Variants in CORIN observed in about 807,000 individuals in gnomAD.
CORIN encodes atrial natriuretic peptide-converting enzyme.
CORIN carries 117 observed loss-of-function variants against 125.3 expected under a neutral mutation model. That is an observed-to-expected ratio of 0.93 (90% CI 0.80 to 1.09). The LOEUF is 1.09. CORIN is among the 50% of genes least tolerant of loss of function. CORIN has a pLI of 0.00. For missense variants in CORIN, 1,253 were observed against 1,306.7 expected (o/e 0.96, Z 0.63); for synonymous variants, 450 against 466.4 (o/e 0.96, Z 0.45).
chr4:47,668,521 C>T (rs991537844), intron 10 of CORIN, among the ~76,000 whole-genome samples: 10 of 152,196 alleles, frequency 6.6e-5, no homozygotes, highest in Non-Finnish European at 4.4e-5. Flanking sequence ...AGCTCTAACT[C>T]TATGCTTTTT....
At chr4:47,799,733 C>A (rs1731456323) in intron 2 of CORIN, among the ~76,000 whole-genome samples, 1 of 152,084 alleles carries the variant, frequency 6.6e-6, no homozygotes, top group Non-Finnish European at 1.5e-5. Context: ...ATAAGTGACA[C>A]AAAATTCCAC....
chr4:47,683,886 G>A, intron 6 of CORIN, 48 bp from the exon 7 acceptor site: 1 of 1,367,754 alleles, frequency 7.3e-7, no homozygotes. Context: ...CATACAGAAT[G>A]CTATTGTAGT....
intron 2 of CORIN, 51 bp from the exon 3 acceptor site, chr4:47,786,976 G>T (rs1213917914): frequency 1.6e-6 from 2 of 1,256,092 alleles, no homozygotes; most frequent in Middle Eastern, 2.4e-4. Flanking sequence ...AACATTACTA[G>T]AAGTGTTTAT....
chr4:47,777,544 T>C (rs1577914586), intron 3 of CORIN, among the ~76,000 whole-genome samples: 1 of 152,236 alleles, frequency 6.6e-6, no homozygotes, highest in Non-Finnish European at 1.5e-5. Context: ...GGCAGGAGAA[T>C]CACTTGAACT....
chr4:47,826,910 T>G (rs1195607038), intron 1 of CORIN, among the ~76,000 whole-genome samples: 3 of 152,190 alleles, frequency 2.0e-5, no homozygotes, highest in Admixed American at 6.5e-5. Flanking sequence ...GTAGTGAAAT[T>G]TAAAGACTTG....
intron 16 of CORIN, among the ~76,000 whole-genome samples, chr4:47,630,514 G>A (rs1233736493): frequency 6.6e-6 from 1 of 152,154 alleles, no homozygotes; most frequent in African/African-American, 2.4e-5. Flanking sequence ...GTCTGTGCAG[G>A]TAATACAGAC....
At chr4:47,729,187 A>G (rs902166222) in intron 5 of CORIN, among the ~76,000 whole-genome samples, 1 of 152,246 alleles carries the variant, frequency 6.6e-6, no homozygotes, top group African/African-American at 2.4e-5. Flanking sequence ...TCGTGGTCAC[A>G]GATCAAAAGA....
intron 6 of CORIN, among the ~76,000 whole-genome samples, chr4:47,687,734 T>C (rs535912040): frequency 2.0e-5 from 3 of 152,292 alleles, no homozygotes; most frequent in East Asian, 1.9e-4. Flanking sequence ...AGATTAAATA[T>C]GGAAAGGACC....
intron 19 of CORIN, among the ~76,000 whole-genome samples, chr4:47,608,048 C>T (rs549219621): frequency 6.6e-5 from 10 of 151,960 alleles, no homozygotes; most frequent in South Asian, 2.1e-4. Flanking sequence ...TGGCCAGGTG[C>T]GGTGGTTCAC....
rs558924555 is a variant in CORIN at position 47,601,989 on chromosome 4, T to C, written c.2812+1408A>G. Among the ~76,000 whole-genome samples the C allele has an allele frequency of 2.0e-5, 3 of 152,128 alleles. No individual in the cohort carries two copies. The East Asian group carries it at 5.8e-4, about 29-fold the overall frequency. ...GAAAGCCATGGCATTATACTTGATA[T>C]GGACAGAGTAGGCAGCACTTACAGT... On this transcript the variant is annotated intron_variant, in intron 20 of 21. Transcript: ENST00000273857.
intron 20 of CORIN, among the ~76,000 whole-genome samples, chr4:47,602,492 C>A (rs1220691141): frequency 5.9e-5 from 9 of 152,106 alleles, no homozygotes; most frequent in Non-Finnish European, 1.5e-5. Flanking sequence ...GTTTGTACTA[C>A]AGATGTTGAT....
chr4:47,755,060 A>G (rs1729073667), intron 4 of CORIN, among the ~76,000 whole-genome samples: 1 of 152,190 alleles, frequency 6.6e-6, no homozygotes, highest in Non-Finnish European at 1.5e-5. Flanking sequence ...CTCTCAACCC[A>G]GTGAAAAACC....
intron 5 of CORIN, among the ~76,000 whole-genome samples, chr4:47,697,793 T>A (rs1726088473): frequency 1.3e-5 from 2 of 152,132 alleles, no homozygotes; most frequent in South Asian, 4.2e-4. Context: ...GGGGAGCTGG[T>A]GCTGCTGGGC....
intron 21 of CORIN, 147 bp from the exon 22 acceptor site, chr4:47,596,050 G>T: frequency 1.9e-6 from 1 of 528,940 alleles, no homozygotes; most frequent in Non-Finnish European, 3.2e-6. Flanking sequence ...CTGTGGAGGA[G>T]TTGTGCTTTC....
At chr4:47,604,421 A>C (rs575476381) in intron 19 of CORIN, among the ~76,000 whole-genome samples, 1 of 152,098 alleles carries the variant, frequency 6.6e-6, no homozygotes, top group Non-Finnish European at 1.5e-5. Context: ...GGTGACCCCA[A>C]ATGTATATCT....
chr4:47,723,995 CAAAAAAAA>C (rs766930754), intron 5 of CORIN, among the ~76,000 whole-genome samples: 2 of 58,904 alleles, frequency 3.4e-5, no homozygotes, highest in African/African-American at 1.1e-4. Context: ...GACTCCATCT[CAAAAAAAA>C]AAAAAAAAAA....
At chr4:47,700,045 A>G (rs1726216342) in intron 5 of CORIN, among the ~76,000 whole-genome samples, 1 of 152,192 alleles carries the variant, frequency 6.6e-6, no homozygotes, top group Non-Finnish European at 1.5e-5. Context: ...TCAACCAAAG[A>G]GCTCTACTGT....
At chr4:47,686,047 A>C (rs7661217) in intron 6 of CORIN, among the ~76,000 whole-genome samples, 66 of 145,304 alleles carry the variant, frequency 4.5e-4, no homozygotes, top group Non-Finnish European at 7.8e-4. Context: ...TACTGTAAAC[A>C]TCCCATACTA....
chr4:47,643,724 T>G (rs1395014581), intron 14 of CORIN, among the ~76,000 whole-genome samples: 3 of 152,194 alleles, frequency 2.0e-5, no homozygotes, highest in African/African-American at 7.2e-5. Flanking sequence ...TTTTAAAAAT[T>G]ATAGTAAATC....
Sources: allele counts gnomAD v4.1 joint callset (sites outside exome capture counted in the v4.1 genomes callset), GRCh38; gene constraint gnomAD v4.1.1; transcripts MANE v1.5; gene names NCBI Gene and HGNC (gene_info 2026-07-23, HGNC 2026-07-21).